CDH20: variants seen among roughly 807,000 people sequenced by gnomAD.
CDH20 encodes cadherin 20.
In CDH20, 29 loss-of-function variants were observed where a neutral mutation model predicts 74.2. That is an observed-to-expected ratio of 0.39 (90% CI 0.29 to 0.53). The LOEUF (loss-of-function observed/expected upper bound fraction) is 0.53, where lower values mean the gene tolerates loss of function less well. CDH20 is among the 20% of genes least tolerant of loss of function. The pLI is 0.69. For synonymous variants in CDH20, 469 were observed against 405.4 expected, an observed-to-expected ratio of 1.16 and a Z score of -1.88; for missense variants, 988 against 1,048.3, an observed-to-expected ratio of 0.94 and a Z score of 0.79.
rs953592757 is a variant in CDH20, at chr18:61,353,642, C to T, written c.-153+19815C>T. ...AAATTTAATGGACCCTCAAATGTAA[C>T]GGACCACCACCTATCAAATGCCCTT... On this transcript the variant is annotated intron_variant, in intron 1 of 11. Transcript: ENST00000262717. This position sits in a 1 kb window ranked among gnomAD's most constrained non-coding sequence, Gnocchi z 4.6. Among the ~76,000 whole-genome samples, 8 of 152,162 alleles carry T rather than the reference C, an allele frequency of 5.3e-5. No individual in the cohort carries two copies. The highest frequency in any genetic ancestry group is 7.2e-5 in the African/African-American group (3 of 41,432).
intron 1 of CDH20, among the ~76,000 whole-genome samples, chr18:61,466,762 A>C (rs1909976089): frequency 1.3e-5 from 2 of 152,214 alleles, no homozygotes; most frequent in African/African-American, 4.8e-5. Flanking sequence ...AAATTAGCGC[A>C]CAACTACAGA....
At chr18:61,513,056 C>T (rs1320112086) in intron 6 of CDH20, among the ~76,000 whole-genome samples, 1 of 151,686 alleles carries the variant, frequency 6.6e-6, no homozygotes, top group Non-Finnish European at 1.5e-5. Context: ...CCTGGGTATC[C>T]TTGATGACTT....
intron 1 of CDH20, among the ~76,000 whole-genome samples, chr18:61,360,883 C>A (rs1436101905): frequency 5.3e-5 from 8 of 152,186 alleles, no homozygotes; most frequent in Non-Finnish European, 1.2e-4. Flanking sequence ...TCAATACTTC[C>A]TCTTTCTGTT....
intron 1 of CDH20, among the ~76,000 whole-genome samples, chr18:61,455,441 C>G (rs1440689680): frequency 6.6e-6 from 1 of 152,150 alleles, no homozygotes; most frequent in Non-Finnish European, 1.5e-5. Flanking sequence ...AAGAGGGCAG[C>G]TCTTCTTTTT....
chr18:61,529,998 G>C (rs989137707), intron 7 of CDH20, among the ~76,000 whole-genome samples: 1 of 152,152 alleles, frequency 6.6e-6, no homozygotes, highest in Non-Finnish European at 1.5e-5. Context: ...CCACTGGGCT[G>C]TTCTGGGGCA....
intron 1 of CDH20, among the ~76,000 whole-genome samples, chr18:61,390,313 A>T (rs1218398542): frequency 6.6e-6 from 1 of 152,224 alleles, no homozygotes; most frequent in East Asian, 1.9e-4. Flanking sequence ...TTTCAGAAAG[A>T]TAGGTCACAA....
At chr18:61,381,498 A>C (rs1911430967) in intron 1 of CDH20, among the ~76,000 whole-genome samples, 1 of 152,192 alleles carries the variant, frequency 6.6e-6, no homozygotes, top group South Asian at 2.1e-4. Context: ...CTCCTATCCT[A>C]CCTGCCTTCT....
At chr18:61,398,113 C>T (rs1052553934) in intron 1 of CDH20, among the ~76,000 whole-genome samples, 5 of 152,202 alleles carry the variant, frequency 3.3e-5, no homozygotes, top group South Asian at 2.1e-4. Context: ...CAACTAACTA[C>T]ATCCCTAGCC....
chr18:61,466,389 T>G (rs928822080), intron 1 of CDH20, among the ~76,000 whole-genome samples: 5 of 152,174 alleles, frequency 3.3e-5, no homozygotes, highest in African/African-American at 1.2e-4. Context: ...TATATCATAC[T>G]GCATTTCTTT....
At chr18:61,493,773 A>G (rs1330027551) in intron 2 of CDH20, among the ~76,000 whole-genome samples, 1 of 152,234 alleles carries the variant, frequency 6.6e-6, no homozygotes, top group Non-Finnish European at 1.5e-5. Context: ...ATTTCTTCCA[A>G]ATAGACATAC....
At chr18:61,345,886 G>A (rs1478998797) in intron 1 of CDH20, among the ~76,000 whole-genome samples, 1 of 152,128 alleles carries the variant, frequency 6.6e-6, no homozygotes, top group Non-Finnish European at 1.5e-5. Flanking sequence ...GATTGACATG[G>A]GAAGGAAACA....
At chr18:61,527,377 A>AGATAGATAGATAGATAGAT (rs1555683360) in intron 6 of CDH20, among the ~76,000 whole-genome samples, 29 of 149,548 alleles carry the variant, frequency 1.9e-4, no homozygotes, top group African/African-American at 6.3e-4. Flanking sequence ...ATAGATAGAT[A>AGATAGATAGATAGATAGAT]GATAGATAGA....
At chr18:61,395,640 C>T (rs1027131248) in intron 1 of CDH20, among the ~76,000 whole-genome samples, 5 of 152,336 alleles carry the variant, frequency 3.3e-5, no homozygotes, top group African/African-American at 1.2e-4. Context: ...ATACTCCAAT[C>T]ACAGATGTTA....
chr18:61,551,288 A>C (rs1943332), intron 11 of CDH20, among the ~76,000 whole-genome samples: 48,503 of 152,054 alleles, frequency 0.32, 8,127 homozygotes, highest in Non-Finnish European at 0.37. Flanking sequence ...CTTAGAGAAA[A>C]ACAGATTTAG....
chr18:61,453,460 T>C (rs1909465664), intron 1 of CDH20, among the ~76,000 whole-genome samples: 1 of 152,104 alleles, frequency 6.6e-6, no homozygotes, highest in South Asian at 2.1e-4. Context: ...TGTGTGTTTT[T>C]AGTAGAGATG....
chr18:61,347,353 T>C (rs866714082), intron 1 of CDH20, among the ~76,000 whole-genome samples: 1,261 of 119,746 alleles, frequency 0.011, 21 homozygotes, highest in African/African-American at 0.034. Context: ...CACACACACA[T>C]ATATATATAC....
intron 10 of CDH20, among the ~76,000 whole-genome samples, chr18:61,549,101 A>C (rs1342844093): frequency 6.6e-6 from 1 of 152,218 alleles, no homozygotes; most frequent in Non-Finnish European, 1.5e-5. Flanking sequence ...GCTGAAAATA[A>C]TCTGAGCTTT....
chr18:61,344,136 TCTAACCCG>T, intron 1 of CDH20, among the ~76,000 whole-genome samples: 1 of 152,296 alleles, frequency 6.6e-6, no homozygotes, highest in South Asian at 2.1e-4. Flanking sequence ...TACTATTTTC[TCTAACCCG>T]CAAAGTCACT....
rs181425286 is a variant in CDH20, at chr18:61,475,421, G to T, written c.-152-14981G>T. 2.6e-5 allele frequency among the ~76,000 whole-genome samples: 4 copies of T among 152,290 alleles called. No homozygotes were observed. The East Asian group carries it at 7.7e-4, about 29-fold the overall frequency. On this transcript the variant is annotated intron_variant, in intron 1 of 11. Coordinates refer to ENST00000262717, the MANE Select transcript of CDH20 (RefSeq NM_031891.4). ...ATCAGGAGTCAAACTGGAAATAAAT[G>T]ATATCCACTGTGACTCACTAATCTT...
Sources: gnomAD v4.1 joint callset for allele counts (sites outside exome capture counted in the v4.1 genomes callset) on GRCh38, gnomAD v4.1.1 for gene constraint, Gnocchi (gnomAD v3.1) non-coding constraint, MANE v1.5 for transcripts, NCBI Gene and HGNC (gene_info 2026-07-23, HGNC 2026-07-21) for gene names.